Variants in ZNF462 observed in about 807,000 individuals in gnomAD.
The protein encoded by ZNF462 is zinc finger protein 462, also known as zinc finger PBX1-interacting protein.
Under a neutral mutation model 201.9 loss-of-function variants are expected in ZNF462, and 10 were observed. The ratio of observed to expected loss-of-function variants is 0.05; its 90% CI spans 0.03 to 0.08. The LOEUF is 0.08. Ranked by LOEUF, ZNF462 falls within the 10% of genes least tolerant of loss-of-function variation. ZNF462 has a pLI of 1.00. For synonymous variants in ZNF462, 1,227 were observed against 1,193.3 expected, an observed-to-expected ratio of 1.03 and a Z score of -0.58; for missense variants, 2,523 against 3,168.3, an observed-to-expected ratio of 0.80 and a Z score of 4.89.
chr9:106,992,768 G>A (rs977102842), intron 10 of ZNF462, among the ~76,000 whole-genome samples: 2 of 152,086 alleles, frequency 1.3e-5, no homozygotes, highest in Admixed American at 1.3e-4. Flanking sequence ...GCTTCTCAGA[G>A]TGATGAGAGT....
At chr9:106,898,828 A>G (rs1194692093) in intron 1 of ZNF462, among the ~76,000 whole-genome samples, 1 of 152,182 alleles carries the variant, frequency 6.6e-6, no homozygotes, top group Non-Finnish European at 1.5e-5. Context: ...GTTGCTGACC[A>G]TGATGAATTT....
In ZNF462 at chr9:106,954,084, AATC is replaced by A. The variant is rs1221577070; in HGVS notation, c.6427+14981_6427+14983del. ...TATTCTAAGCAAGGTTAAGAGTTCA[AATC>A]ATCCTCCTATTCAGAAGTCTTTAAC... On this transcript the variant is annotated intron_variant, in intron 7 of 12. Transcript: ENST00000277225. This position sits in a 1 kb window ranked among gnomAD's most constrained non-coding sequence, Gnocchi z 4.0. Among the ~76,000 whole-genome samples, 1 of 152,106 alleles carries A rather than the reference AATC, an allele frequency of 6.6e-6. No individual in the cohort carries two copies. The highest frequency in any genetic ancestry group is 1.5e-5 in the Non-Finnish European group (1 of 68,006).
intron 7 of ZNF462, among the ~76,000 whole-genome samples, chr9:106,964,287 C>A (rs1272830218): frequency 6.6e-6 from 1 of 152,044 alleles, no homozygotes; most frequent in Non-Finnish European, 1.5e-5. Flanking sequence ...TTCCAAACAG[C>A]AGCACACAAG....
intron 10 of ZNF462, among the ~76,000 whole-genome samples, chr9:107,002,094 T>A (rs1049437489): frequency 6.6e-6 from 1 of 152,172 alleles, no homozygotes; most frequent in African/African-American, 2.4e-5. Context: ...AGCAAATCTT[T>A]GTTCCAGTCT....
Position 106,925,170 on chromosome 9 carries a change from G to C in ZNF462, c.1258G>C (p.Asp420His). 2 of 1,614,222 alleles carry C rather than the reference G, an allele frequency of 1.2e-6. No individual in the cohort carries two copies. The highest frequency in any genetic ancestry group is 1.7e-6 in the Non-Finnish European group (2 of 1,180,048). Reference sequence around the variant, plus strand: ...GTCTGCAGAGCAGCTGATGGGCTCAGATGGCAACAAATTATTGGAGACCAA... The same window carrying C: ...GTCTGCAGAGCAGCTGATGGGCTCACATGGCAACAAATTATTGGAGACCAA... ...GLSAEQLMGSDGNKLLETKGI... is the reference protein window; with the variant it reads ...GLSAEQLMGSHGNKLLETKGI... The change falls in exon 3 of 13, where the codon GAT becomes CAT. Residue 420 changes from aspartate (D) to histidine (H), a missense_variant. By Grantham distance (81) the Asp-to-His change is moderately conservative (BLOSUM62 -1). Around this residue, in one of 15 missense-constraint regions of ZNF462, gnomAD observed 480 missense variants for 544.4 expected, o/e 0.88. Transcript: ENST00000277225. This position sits in a 1 kb window ranked among gnomAD's most constrained non-coding sequence, Gnocchi z 7.9.
intron 7 of ZNF462, 38 bp downstream of exon 7, chr9:106,939,145 G>T: frequency 6.7e-7 from 1 of 1,487,498 alleles, no homozygotes; most frequent in African/African-American, 1.4e-5. Context: ...AACCACTCAG[G>T]GTTGAGGTGG....
At chr9:106,951,394 G>C (rs1831340023) in intron 7 of ZNF462, among the ~76,000 whole-genome samples, 1 of 152,174 alleles carries the variant, frequency 6.6e-6, no homozygotes. Context: ...AAGTAATTCT[G>C]TGCAAGTGTA....
At chr9:106,995,040 T>C (rs1588178619) in intron 10 of ZNF462, among the ~76,000 whole-genome samples, 1 of 152,140 alleles carries the variant, frequency 6.6e-6, no homozygotes, top group East Asian at 1.9e-4. Flanking sequence ...AAGCAAAATG[T>C]GGTAGCATCC....
At chr9:106,948,729 C>T (rs1831215788) in intron 7 of ZNF462, among the ~76,000 whole-genome samples, 1 of 151,638 alleles carries the variant, frequency 6.6e-6, no homozygotes, top group African/African-American at 2.4e-5. Context: ...TTTTTGCTCT[C>T]ACTATATAGG....
chr9:106,869,555 A>G (rs1564066884), intron 1 of ZNF462, among the ~76,000 whole-genome samples: 2 of 152,182 alleles, frequency 1.3e-5, no homozygotes, highest in East Asian at 1.9e-4. Flanking sequence ...GAATGCATCA[A>G]TTTTTAATCC....
At chr9:106,975,305 A>G (rs1359283409) in intron 9 of ZNF462, 2 of 152,154 alleles carry the variant, frequency 1.3e-5, no homozygotes, top group Admixed American at 6.5e-5. Context: ...CTCAAAAGCA[A>G]TGAGTGTCAT....
intron 10 of ZNF462, among the ~76,000 whole-genome samples, chr9:106,989,135 T>G (rs1460155043): frequency 1.3e-5 from 2 of 152,178 alleles, no homozygotes; most frequent in Non-Finnish European, 2.9e-5. Context: ...AGGGACAGCT[T>G]TCAACTTTTC....
At chr9:106,898,790 G>A (rs569330480) in intron 1 of ZNF462, among the ~76,000 whole-genome samples, 31 of 152,130 alleles carry the variant, frequency 2.0e-4, no homozygotes, top group Non-Finnish European at 2.8e-4. Context: ...AGAAGCAAAA[G>A]TATCCTATTA....
At position 106,865,567 on chromosome 9, in the gene ZNF462, C is replaced by T. The variant is rs886091560; in HGVS notation, c.-31+2212C>T. Among the ~76,000 whole-genome samples, 1 of 152,208 alleles carries T rather than the reference C, an allele frequency of 6.6e-6. No homozygotes were observed. ...CCAGGTTCTCCATTTCTCTTCAGGT[C>T]GTTCCATTTGTATGTTAGGCCTTCT... On this transcript the variant is annotated intron_variant, in intron 1 of 12. Transcript: ENST00000277225. The surrounding 1 kb of genome is among the most constrained non-coding windows in gnomAD (Gnocchi z 4.1).
chr9:106,914,112 C>T (rs1829667552), intron 1 of ZNF462, among the ~76,000 whole-genome samples: 2 of 149,240 alleles, frequency 1.3e-5, no homozygotes, highest in African/African-American at 4.9e-5. Flanking sequence ...TATCATATAG[C>T]ATGAGGGCTG....
intron 10 of ZNF462, among the ~76,000 whole-genome samples, chr9:106,991,448 A>G (rs1164273373): frequency 3.3e-5 from 5 of 152,028 alleles, no homozygotes; most frequent in Admixed American, 2.6e-4. Flanking sequence ...AGGAGACCCA[A>G]TATTGGTAAT....
At chr9:106,889,540 C>T (rs371904454) in intron 1 of ZNF462, among the ~76,000 whole-genome samples, 5 of 152,206 alleles carry the variant, frequency 3.3e-5, no homozygotes, top group Admixed American at 6.5e-5. Context: ...AGCCTTTCCC[C>T]GCTCACACTT....
At chr9:106,878,253 G>GT (rs780728385) in intron 1 of ZNF462, among the ~76,000 whole-genome samples, 28 of 152,174 alleles carry the variant, frequency 1.8e-4, no homozygotes, top group Non-Finnish European at 3.7e-4. Flanking sequence ...GAGGCATAAT[G>GT]TATGTAAAGC....
chr9:106,920,083 G>A lies in ZNF462; in HGVS notation c.-30-3271G>A, dbSNP rs1829928712. 6.6e-6 allele frequency among the ~76,000 whole-genome samples: 1 copy of A among 151,722 alleles called. No homozygotes were observed. The highest frequency in any genetic ancestry group is 2.4e-5 in the African/African-American group (1 of 41,280). ...TTATAGCAGATCAGTGACTAGGTTA[G>A]CCTCTTAGGGTTGCTGCTCTTCGGG... On this transcript the variant is annotated intron_variant, in intron 1 of 12. Coordinates refer to ENST00000277225, the MANE Select transcript of ZNF462 (RefSeq NM_021224.6). This position sits in a 1 kb window ranked among gnomAD's most constrained non-coding sequence, Gnocchi z 4.3.
Sources: gnomAD v4.1 joint callset for allele counts (sites outside exome capture counted in the v4.1 genomes callset) on GRCh38, gnomAD v4.1.1 for gene constraint, gnomAD v4.1.1 regional missense constraint, Gnocchi (gnomAD v3.1) non-coding constraint, MANE v1.5 for transcripts, NCBI Gene and HGNC (gene_info 2026-07-23, HGNC 2026-07-21) for gene names.